Variants in SNX24 observed in about 807,000 individuals in gnomAD.
SNX24 encodes sorting nexin 24.
SNX24 carries 22 observed loss-of-function variants against 28.7 expected under a neutral mutation model. The observed-to-expected ratio is 0.77, with a 90% confidence interval of 0.55 to 1.10. The LOEUF is 1.10. Among genes scored for constraint, SNX24 ranks in the 50% least tolerant of loss-of-function variants. SNX24 has a pLI of 0.00. For synonymous variants in SNX24, 69 were observed against 71.5 expected, an observed-to-expected ratio of 0.96 and a Z score of 0.18; for missense variants, 221 against 201.1, an observed-to-expected ratio of 1.10 and a Z score of -0.60.
At chr5:122,868,738 T>A in intron 1 of SNX24, among the ~76,000 whole-genome samples, 1 of 151,752 alleles carries the variant, frequency 6.6e-6, no homozygotes, top group African/African-American at 2.4e-5. Flanking sequence ...GCCTCCGAGA[T>A]TCAAAGAGGT....
In SNX24 at chr5:123,023,705, A is replaced by C. The variant is rs960255813; in HGVS notation, n.384-5533A>C. The C allele has an allele frequency of 2.8e-6, 3 of 1,085,212 alleles. No individual in the cohort carries two copies. In the Admixed American group the frequency reaches 1.2e-4, roughly 42 times the overall value. 67.2% of individuals were successfully genotyped at this position (1,085,212 alleles called of 1,614,324 possible). ...GCAGGTGGTTTACTAAAGTTCAAGCAAACTAAAGGGTGACGGTTTGATTTT... is the reference window on the plus strand; with the variant it reads ...GCAGGTGGTTTACTAAAGTTCAAGCCAACTAAAGGGTGACGGTTTGATTTT... On this transcript the variant is annotated intron_variant and non_coding_transcript_variant, in intron 5 of 5. Transcript: ENST00000502387.
At chr5:122,968,892 T>G (rs1209867236) in intron 3 of SNX24, among the ~76,000 whole-genome samples, 2 of 152,138 alleles carry the variant, frequency 1.3e-5, no homozygotes, top group Non-Finnish European at 2.9e-5. Flanking sequence ...ATACGGTATC[T>G]AGTTGGCACA....
At chr5:122,871,412 G>T (rs188082735) in intron 1 of SNX24, among the ~76,000 whole-genome samples, 28 of 152,244 alleles carry the variant, frequency 1.8e-4, no homozygotes, top group Middle Eastern at 3.4e-3. Context: ...TTAAAGGGCT[G>T]GTTCACATTC....
At chr5:123,007,262 C>T (rs1057053469) in intron 6 of SNX24, among the ~76,000 whole-genome samples, 12 of 152,232 alleles carry the variant, frequency 7.9e-5, no homozygotes, top group African/African-American at 2.7e-4. Flanking sequence ...ACTAAATGCA[C>T]TGTAAACCAC....
chr5:122,908,935 G>A (rs1038386766), intron 1 of SNX24, among the ~76,000 whole-genome samples: 7 of 152,220 alleles, frequency 4.6e-5, no homozygotes, highest in Non-Finnish European at 7.3e-5. Context: ...GGACCTTACG[G>A]TGAGCACTTG....
chr5:122,926,763 A>T (rs1053632332), intron 1 of SNX24, among the ~76,000 whole-genome samples: 1 of 152,184 alleles, frequency 6.6e-6, no homozygotes, highest in Non-Finnish European at 1.5e-5. Context: ...TTAAGCTAGA[A>T]TCATGGGAGG....
chr5:122,886,708 T>C (rs1756734415), intron 1 of SNX24, among the ~76,000 whole-genome samples: 1 of 151,788 alleles, frequency 6.6e-6, no homozygotes, highest in Non-Finnish European at 1.5e-5. Context: ...CAGGCGCCTG[T>C]AATCCCAGCT....
At position 123,000,108 on chromosome 5, in the gene SNX24, CCACG is replaced by C. The variant is rs1762194418; in HGVS notation, c.344+104_344+107del. The C allele has an allele frequency of 1.0e-5, 8 of 799,178 alleles. No homozygotes were observed. In the South Asian group the frequency reaches 1.2e-4, roughly 12 times the overall value. The allele number at this position is 799,178 out of a possible 1,614,324, so 49.5% of individuals were successfully genotyped here. On this transcript the variant is annotated intron_variant, in intron 4 of 6. Coordinates refer to ENST00000261369, the MANE Select transcript of SNX24 (RefSeq NM_014035.4). Reference sequence around the variant, plus strand: ...GAGTGATGCCCGAGTAGCCTGCCGGCCACGCCCACTCTTTTGGCTTGCTGCAGCA... The same window carrying C: ...GAGTGATGCCCGAGTAGCCTGCCGGCCCCACTCTTTTGGCTTGCTGCAGCA...
chr5:122,872,819 C>T (rs532263244), intron 1 of SNX24, among the ~76,000 whole-genome samples: 45 of 151,644 alleles, frequency 3.0e-4, no homozygotes, highest in South Asian at 6.3e-4. Flanking sequence ...CTCTAGCTGG[C>T]GGTGGAATGG....
downstream of SNX24, among the ~76,000 whole-genome samples, chr5:123,010,709 AGTACTTAATGTGTCT>A (rs1218624345): frequency 3.1e-4 from 47 of 152,302 alleles, 2 homozygotes; most frequent in Admixed American, 1.6e-3. Context: ...CACAGAAGGG[AGTACTTAATGTGTCT>A]GTACTTAATG....
intron 3 of SNX24, among the ~76,000 whole-genome samples, chr5:122,980,294 C>T (rs987046785): frequency 2.0e-4 from 30 of 152,154 alleles, no homozygotes; most frequent in African/African-American, 7.0e-4. Flanking sequence ...GTTCTTCTCA[C>T]AACCAACCTG....
rs569944133 is a variant in SNX24, at chr5:122,928,234, C to G, written c.61-8500C>G. Among the ~76,000 whole-genome samples the G allele has an allele frequency of 9.9e-5, 15 of 152,216 alleles. 1 individual carries two copies. In the East Asian group the frequency reaches 2.7e-3, roughly 27 times the overall value. ...TATTCACTCTTCCATCTGCCTGGACCAACCTCCTCCCATCCCAGGTAGACT... is the reference window on the plus strand; with the variant it reads ...TATTCACTCTTCCATCTGCCTGGACGAACCTCCTCCCATCCCAGGTAGACT... On this transcript the variant is annotated intron_variant, in intron 1 of 6. Transcript: ENST00000261369.
chr5:122,940,961 G>A (rs773871213), intron 2 of SNX24, among the ~76,000 whole-genome samples: 4 of 151,976 alleles, frequency 2.6e-5, no homozygotes, highest in Non-Finnish European at 4.4e-5. Flanking sequence ...TCCTCGTCTC[G>A]TGGCCTCTTT....
chr5:123,008,855 G>C lies in SNX24; in HGVS notation c.*1106G>C. 1 of 980,168 alleles carries C rather than the reference G, an allele frequency of 1.0e-6. No individual in the cohort carries two copies. 60.7% of individuals were successfully genotyped at this position (980,168 alleles called of 1,614,324 possible). A position where few individuals can be genotyped will look rare whatever the true frequency, so the allele number is the denominator to read the frequency against. On this transcript the variant is annotated 3_prime_UTR_variant, in exon 7 of 7. Transcript: ENST00000261369. ...ATCCTTTGAGTAGTAAAGGATAAAAGCATATATACTACCTATATGTATGTG... is the reference window on the plus strand; with the variant it reads ...ATCCTTTGAGTAGTAAAGGATAAAACCATATATACTACCTATATGTATGTG...
intron 3 of SNX24, among the ~76,000 whole-genome samples, chr5:122,992,700 C>G (rs1008341365): frequency 6.6e-6 from 1 of 152,216 alleles, no homozygotes; most frequent in Non-Finnish European, 1.5e-5. Flanking sequence ...ATTTCACATT[C>G]ATTGCTGTGA....
intron 1 of SNX24, among the ~76,000 whole-genome samples, chr5:122,906,333 A>G (rs1034705846): frequency 6.6e-6 from 1 of 152,192 alleles, no homozygotes; most frequent in South Asian, 2.1e-4. Context: ...ATTGTATTTA[A>G]TAGTTGTCAT....
At chr5:122,851,115 A>G (rs10055362) in intron 1 of SNX24, among the ~76,000 whole-genome samples, 6,305 of 152,236 alleles carry the variant, frequency 0.041, 207 homozygotes, top group Non-Finnish European at 0.059. Flanking sequence ...TAGAATTACT[A>G]CTTAGGTCAC....
At chr5:123,001,723 G>A (rs935491388) in intron 5 of SNX24, among the ~76,000 whole-genome samples, 1 of 152,170 alleles carries the variant, frequency 6.6e-6, no homozygotes, top group Non-Finnish European at 1.5e-5. Context: ...TGTATAGATT[G>A]TATATTTGCT....
intron 3 of SNX24, among the ~76,000 whole-genome samples, chr5:122,958,731 T>TC (rs1554076039): frequency 4.0e-5 from 6 of 151,646 alleles, no homozygotes; most frequent in Admixed American, 3.9e-4. Flanking sequence ...AAATTTTTTT[T>TC]GTATTTTTAG....
Sources: allele counts gnomAD v4.1 joint callset (sites outside exome capture counted in the v4.1 genomes callset), GRCh38; gene constraint gnomAD v4.1.1; transcripts MANE v1.5; gene names NCBI Gene and HGNC (gene_info 2026-07-23, HGNC 2026-07-21).